TET1: variants seen among roughly 807,000 people sequenced by gnomAD.
TET1 encodes the protein tet methylcytosine dioxygenase 1, also known as methylcytosine dioxygenase TET1.
TET1 carries 13 observed loss-of-function variants against 148.7 expected under a neutral mutation model. That is an observed-to-expected ratio of 0.09 (90% CI 0.06 to 0.14). The LOEUF (loss-of-function observed/expected upper bound fraction) is 0.14. Among genes scored for constraint, TET1 ranks in the 10% least tolerant of loss-of-function variants. The pLI, the probability that TET1 is intolerant of heterozygous loss-of-function variation, is 1.00. For synonymous variants in TET1, 907 were observed against 937.2 expected, an observed-to-expected ratio of 0.97 and a Z score of 0.59; for missense variants, 2,182 against 2,553.8, an observed-to-expected ratio of 0.85 and a Z score of 3.14.
chr10:68,667,613 G>T (rs1206280745), intron 7 of TET1, among the ~76,000 whole-genome samples: 4 of 151,858 alleles, frequency 2.6e-5, no homozygotes, highest in Non-Finnish European at 5.9e-5. Context: ...GCGTGGTGGC[G>T]GGCGCCTACA....
intron 1 of TET1, among the ~76,000 whole-genome samples, chr10:68,565,475 A>AAAAAAAAATATAT (rs1388182777): frequency 7.7e-6 from 1 of 129,232 alleles, no homozygotes; most frequent in Admixed American, 8.4e-5. Context: ...AAAAAAAAAA[A>AAAAAAAAATATAT]ATATATATAT....
chr10:68,664,716 TCA>T (rs1251613625), intron 6 of TET1, among the ~76,000 whole-genome samples: 2 of 147,698 alleles, frequency 1.4e-5, no homozygotes, highest in Non-Finnish European at 3.0e-5. Flanking sequence ...AGGCTGAAGT[TCA>T]TGATGATAGC....
chr10:68,647,611 AAAG>A (rs1240599462), intron 4 of TET1, among the ~76,000 whole-genome samples: 2 of 100,880 alleles, frequency 2.0e-5, no homozygotes, highest in African/African-American at 1.1e-4. Context: ...CTTAAAAAAA[AAAG>A]AAAGAAAGAA....
chr10:68,632,857 GAA>G (rs2054596502), intron 3 of TET1: 1 of 730,304 alleles, frequency 1.4e-6, no homozygotes, highest in Non-Finnish European at 2.2e-6. Context: ...AAAAAAGAAA[GAA>G]AACAAAATTG....
chr10:68,582,643 G>A (rs776217241), intron 2 of TET1, among the ~76,000 whole-genome samples: 30 of 152,060 alleles, frequency 2.0e-4, no homozygotes, highest in Non-Finnish European at 3.7e-4. Flanking sequence ...TGACACACTT[G>A]TATTATTTTA....
Position 68,572,439 on chromosome 10 carries a change from C to G in TET1, c.101C>G (p.Ala34Gly). ...CAACTACGAAAGACAACCAAGGGAG[C>G]CAACAAAAATGTGGCATCAGTCAAG... ...NSQLRKTTKG[A>G]NKNVASVKTL... is the part of the protein sequence containing the mutation. Residue 34 changes from alanine to glycine, a missense_variant, in exon 2 of 12, where the codon GCC becomes GGC. Around this residue, in one of 11 missense-constraint regions of TET1, gnomAD observed 665 missense variants for 672.4 expected, o/e 0.99. Coordinates refer to ENST00000373644, the MANE Select transcript of TET1 (RefSeq NM_030625.3). 1 of 1,613,920 alleles carries G rather than the reference C, an allele frequency of 6.2e-7. No homozygotes were observed. Among genetic ancestry groups the G allele is most frequent in the East Asian group, 2.2e-5 (1 of 44,872 alleles).
intron 2 of TET1, among the ~76,000 whole-genome samples, chr10:68,580,788 A>G (rs1437545702): frequency 9.9e-5 from 3 of 30,238 alleles, no homozygotes; most frequent in African/African-American, 2.8e-4. Context: ...ATCTCAAAAA[A>G]AAAAAAAAAA....
chr10:68,624,602 C>CTCTTTCTTTCTTTCTTTCTTTCTT (rs771481993), intron 3 of TET1, among the ~76,000 whole-genome samples: 12 of 113,946 alleles, frequency 1.1e-4, no homozygotes, highest in African/African-American at 3.0e-4. Context: ...TTTTCTTTTT[C>CTCTTTCTTTCTTTCTTTCTTTCTT]TCTTTCTTTC....
At chr10:68,649,753 T>A (rs2054904628) in intron 4 of TET1, among the ~76,000 whole-genome samples, 1 of 152,192 alleles carries the variant, frequency 6.6e-6, no homozygotes, top group Non-Finnish European at 1.5e-5. Context: ...AAAAGGATGA[T>A]TGTCTAGTTT....
chr10:68,617,025 T>C (rs2054301963), intron 3 of TET1, among the ~76,000 whole-genome samples: 1 of 49,130 alleles, frequency 2.0e-5, no homozygotes, highest in Non-Finnish European at 4.6e-5. Context: ...TTTTTTTTTT[T>C]TTTTTTTTTT....
chr10:68,624,633 TTTCTTTC>T lies in TET1; in HGVS notation c.1969-20062_1969-20056del, dbSNP rs1189953406. ...CTTTCTTTCTTTCTTTCTTTCTTTC[TTTCTTTC>T]TTTCTTTCTTTCTTTCTTTCTCTCT... On this transcript the variant is annotated intron_variant, in intron 3 of 11. Coordinates refer to ENST00000373644, the MANE Select transcript of TET1 (RefSeq NM_030625.3). Among the ~76,000 whole-genome samples the T allele has an allele frequency of 3.5e-3, 153 of 43,156 alleles. 2 individuals are homozygous for T. Among genetic ancestry groups the T allele is most frequent in the African/African-American group, 0.021 (144 of 6,798 alleles). 28.3% of individuals were successfully genotyped at this position (43,156 alleles called of 152,430 possible).
At chr10:68,611,844 G>C (rs373688611) in intron 3 of TET1, among the ~76,000 whole-genome samples, 1 of 142,606 alleles carries the variant, frequency 7.0e-6, no homozygotes, top group Non-Finnish European at 1.6e-5. Flanking sequence ...CGGGAGGTGG[G>C]GGGGGTGGGG....
At chr10:68,566,580 C>G (rs2053609435) in intron 1 of TET1, among the ~76,000 whole-genome samples, 1 of 151,522 alleles carries the variant, frequency 6.6e-6, no homozygotes, top group African/African-American at 2.4e-5. Flanking sequence ...GTATTTAGTA[C>G]AGATTTATCA....
intron 3 of TET1, among the ~76,000 whole-genome samples, chr10:68,638,448 T>G (rs1288421922): frequency 6.6e-6 from 1 of 152,122 alleles, no homozygotes; most frequent in Non-Finnish European, 1.5e-5. Context: ...TGGATGTTGG[T>G]GAGTGGAGGA....
intron 2 of TET1, among the ~76,000 whole-genome samples, chr10:68,597,788 T>C (rs539437592): frequency 6.6e-6 from 1 of 152,346 alleles, no homozygotes; most frequent in East Asian, 1.9e-4. Context: ...TTCTGATACA[T>C]TCTACAACAT....
chr10:68,660,759 C>G (rs2133150681), intron 6 of TET1, among the ~76,000 whole-genome samples: 1 of 151,670 alleles, frequency 6.6e-6, no homozygotes, highest in Non-Finnish European at 1.5e-5. Context: ...CTCCCAGGTT[C>G]TAGGGATTGT....
At chr10:68,600,000 A>G (rs1048787225) in intron 2 of TET1, among the ~76,000 whole-genome samples, 5 of 152,078 alleles carry the variant, frequency 3.3e-5, no homozygotes, top group African/African-American at 7.2e-5. Context: ...GTCATTGGAC[A>G]TTTATTGACA....
rs1475710770 is a variant in TET1 at position 68,686,720 on chromosome 10, G to A, written c.5404+13G>A. On this transcript the variant is annotated intron_variant, in intron 11 of 11. Transcript: ENST00000373644. The stretch of plus-strand genomic sequence containing the variant: ...CTGCCAACCTTAGGTGAGCCCTATG[G>A]AACCTGGTAATCTCTGCACAACTTT... The A allele has an allele frequency of 1.7e-5, 27 of 1,601,790 alleles. No homozygotes were observed. Among genetic ancestry groups the A allele is most frequent in the Non-Finnish European group, 2.0e-5 (24 of 1,173,392 alleles).
intron 4 of TET1, among the ~76,000 whole-genome samples, chr10:68,647,216 A>C (rs2054863797): frequency 6.6e-6 from 1 of 152,226 alleles, no homozygotes. Context: ...TTGGAAAAAC[A>C]AACTTGGAAA....
Sources: gnomAD v4.1 joint callset for allele counts (sites outside exome capture counted in the v4.1 genomes callset) on GRCh38, gnomAD v4.1.1 for gene constraint, gnomAD v4.1.1 regional missense constraint, MANE v1.5 for transcripts, NCBI Gene and HGNC (gene_info 2026-07-23, HGNC 2026-07-21) for gene names.